Variants in RASSF3 observed in about 807,000 individuals in gnomAD.
RASSF3 encodes ras association domain-containing protein 3.
Under a neutral mutation model 19.9 loss-of-function variants are expected in RASSF3, and 19 were observed. The ratio of observed to expected loss-of-function variants is 0.96; its 90% CI spans 0.67 to 1.40. RASSF3 has a LOEUF of 1.40. RASSF3 is among the 40% of genes most tolerant of loss of function. RASSF3 has a pLI of 0.00. For missense variants in RASSF3, 306 were observed against 289.8 expected (o/e 1.06, Z -0.41); for synonymous variants, 110 against 104.2 (o/e 1.06, Z -0.34).
intron 2 of RASSF3, among the ~76,000 whole-genome samples, chr12:64,562,036 G>C (rs1869357498): frequency 1.2e-5 from 1 of 82,920 alleles, no homozygotes; most frequent in Non-Finnish European, 3.4e-5. Flanking sequence ...TGTTTGTTTT[G>C]AGACAGAGTC....
chr12:64,516,600 C>T (rs1269218411), intron 1 of RASSF3, among the ~76,000 whole-genome samples: 3 of 128,912 alleles, frequency 2.3e-5, no homozygotes, highest in African/African-American at 9.3e-5. Flanking sequence ...GCCTGGGCGA[C>T]AGAGCGAGAC....
intron 1 of RASSF3, among the ~76,000 whole-genome samples, chr12:64,634,761 A>AT (rs1491261261): frequency 1.6e-5 from 1 of 62,438 alleles, no homozygotes; most frequent in Admixed American, 1.4e-4. Flanking sequence ...ACACCATCTC[A>AT]TAAAAAAAAA....
At chr12:64,609,567 TAA>T (rs1870264515), upstream of RASSF3, 2 of 152,206 alleles carry the variant, frequency 1.3e-5, no homozygotes. Flanking sequence ...CACCAAGGTG[TAA>T]AAGACTGTTA....
At chr12:64,684,677 C>T in intron 1 of RASSF3, 110 bp from the exon 2 acceptor site, 1 of 682,930 alleles carries the variant, frequency 1.5e-6, no homozygotes, top group Non-Finnish European at 2.6e-6. Context: ...GTGATCCGCC[C>T]ACCTCAGCCT....
intron 1 of RASSF3, among the ~76,000 whole-genome samples, chr12:64,648,546 G>T (rs1025391154): frequency 6.6e-6 from 1 of 150,852 alleles, no homozygotes; most frequent in Non-Finnish European, 1.5e-5. Context: ...GATGGAGCAC[G>T]TTCCTGGCTC....
intron 3 of RASSF3, among the ~76,000 whole-genome samples, chr12:64,690,529 A>ATT (rs1198113436): frequency 6.6e-6 from 1 of 151,884 alleles, no homozygotes; most frequent in East Asian, 1.9e-4. Context: ...AGGCTGGAGT[A>ATT]CCATGGCATG....
chr12:64,656,884 AG>A (rs1399292750), intron 1 of RASSF3, among the ~76,000 whole-genome samples: 1 of 152,240 alleles, frequency 6.6e-6, no homozygotes, highest in Non-Finnish European at 1.5e-5. Flanking sequence ...GAAATAAGCC[AG>A]TCACTAAAAG....
chr12:64,579,809 GTTT>G (rs34306092), intron 2 of RASSF3, among the ~76,000 whole-genome samples: 1 of 137,324 alleles, frequency 7.3e-6, no homozygotes. Flanking sequence ...GTTTTTTTGG[GTTT>G]TTTTTTTTTT....
intron 1 of RASSF3, among the ~76,000 whole-genome samples, chr12:64,632,759 A>G (rs75104665): frequency 0.017 from 2,594 of 152,240 alleles, 72 homozygotes; most frequent in African/African-American, 0.06. Flanking sequence ...GCCAGAATTA[A>G]GGGTCTGAAG....
chr12:64,533,703 T>C (rs1247096667), intron 1 of RASSF3: 2 of 152,164 alleles, frequency 1.3e-5, no homozygotes, highest in African/African-American at 4.8e-5. Context: ...CAGTTATAAA[T>C]ATAAAGGACA....
intron 1 of RASSF3, among the ~76,000 whole-genome samples, chr12:64,668,678 T>TG (rs1300938497): frequency 1.4e-5 from 2 of 138,414 alleles, no homozygotes; most frequent in Non-Finnish European, 3.2e-5. Flanking sequence ...GTTTTAATTT[T>TG]GATTTTTTTT....
At chr12:64,694,241 C>A (rs147250242) in intron 4 of RASSF3, among the ~76,000 whole-genome samples, 1 of 152,094 alleles carries the variant, frequency 6.6e-6, no homozygotes, top group African/African-American at 2.4e-5. Flanking sequence ...GATGGGGGAG[C>A]ATAAGAGCCG....
chr12:64,670,191 G>A (rs9943850), intron 1 of RASSF3, among the ~76,000 whole-genome samples: 8,773 of 152,194 alleles, frequency 0.058, 853 homozygotes, highest in African/African-American at 0.2. Flanking sequence ...GCCTTGTGGC[G>A]TTGGTGCCTC....
At chr12:64,533,073 G>A (rs1290292426), upstream of RASSF3, among the ~76,000 whole-genome samples, 1 of 152,084 alleles carries the variant, frequency 6.6e-6, no homozygotes, top group Non-Finnish European at 1.5e-5. Flanking sequence ...AACACTTGAC[G>A]GTCCCTGTGA....
chr12:64,559,246 CT>C (rs56100965), intron 2 of RASSF3, among the ~76,000 whole-genome samples: 207 of 140,724 alleles, frequency 1.5e-3, no homozygotes, highest in East Asian at 2.6e-3. Context: ...TTCTTTTTTT[CT>C]TTTTTTTTTT....
intron 1 of RASSF3, among the ~76,000 whole-genome samples, chr12:64,672,336 C>T (rs1364768049): frequency 6.6e-6 from 1 of 152,162 alleles, no homozygotes; most frequent in African/African-American, 2.4e-5. Context: ...AGCGATTCTC[C>T]TGCCTCAGCC....
chr12:64,684,885 G>A lies in RASSF3; in HGVS notation c.210G>A (p.Lys70=). 1 of 1,600,796 alleles carries A rather than the reference G, an allele frequency of 6.2e-7. No homozygotes were observed. Among genetic ancestry groups the A allele is most frequent in the Non-Finnish European group, 8.6e-7 (1 of 1,168,118 alleles). ...KYNLAVTDKL[K]MTLNSNGIYT... is the part of the protein sequence containing the mutation. The stretch of plus-strand genomic sequence containing the variant: ...ACTTAGCAGTCACAGACAAGTTGAA[G>A]ATGACCTTGGTAAGCACTCAAAATA... The change falls in exon 2 of 5, where the codon AAG becomes AAA. Residue 70 remains lysine (K), a synonymous_variant. Transcript: ENST00000542104.
At chr12:64,575,307 G>A (rs140557640) in intron 2 of RASSF3, among the ~76,000 whole-genome samples, 44 of 152,162 alleles carry the variant, frequency 2.9e-4, no homozygotes, top group African/African-American at 7.2e-4. Flanking sequence ...TAATCCCAGC[G>A]CTTTGGGAGG....
chr12:64,648,803 T>TTTTTC (rs1212377297), intron 1 of RASSF3, among the ~76,000 whole-genome samples: 2 of 10,778 alleles, frequency 1.9e-4, no homozygotes, highest in African/African-American at 1.2e-3. Flanking sequence ...TTTACATTGA[T>TTTTTC]TTTTTTTTTT....
Sources: gnomAD v4.1 joint callset for allele counts (sites outside exome capture counted in the v4.1 genomes callset) on GRCh38, gnomAD v4.1.1 for gene constraint, MANE v1.5 for transcripts, NCBI Gene and HGNC (gene_info 2026-07-23, HGNC 2026-07-21) for gene names.